SLC26A7: variants seen among roughly 807,000 people sequenced by gnomAD.
SLC26A7 encodes the protein solute carrier family 26 member 7, also known as anion exchange transporter.
SLC26A7 carries 59 observed loss-of-function variants against 82.5 expected under a neutral mutation model. The ratio of observed to expected loss-of-function variants is 0.72; its 90% CI spans 0.58 to 0.89. The LOEUF (loss-of-function observed/expected upper bound fraction) is 0.89, where lower values mean the gene tolerates loss of function less well. Among genes scored for constraint, SLC26A7 ranks in the 40% least tolerant of loss-of-function variants. The probability of loss-of-function intolerance (pLI) is 0.00; values close to 1 mark genes in which losing one functional copy is unlikely to be tolerated. For missense variants in SLC26A7, 820 were observed against 793.0 expected, an observed-to-expected ratio of 1.03 and a Z score of -0.41; for synonymous variants, 271 against 274.3, an observed-to-expected ratio of 0.99 and a Z score of 0.12.
At chr8:91,349,046 G>C (rs966230535) in intron 9 of SLC26A7, among the ~76,000 whole-genome samples, 1 of 152,126 alleles carries the variant, frequency 6.6e-6, no homozygotes, top group Non-Finnish European at 1.5e-5. Context: ...CAGTGTCCTG[G>C]CTTCTTCTTT....
At chr8:91,394,589 G>T in intron 18 of SLC26A7, 1 of 1,187,178 alleles carries the variant, frequency 8.4e-7, no homozygotes, top group Non-Finnish European at 1.0e-6. Flanking sequence ...GTTTTGAATT[G>T]TTTTGCCTTT....
At chr8:91,380,791 A>C (rs1231696024) in intron 15 of SLC26A7, among the ~76,000 whole-genome samples, 1 of 152,176 alleles carries the variant, frequency 6.6e-6, no homozygotes, top group Admixed American at 6.5e-5. Flanking sequence ...TTAGTTGTAC[A>C]TCCTGAAGAA....
At chr8:91,212,320 GT>G (rs147342236) in intron 1 of SLC26A7, among the ~76,000 whole-genome samples, 2,240 of 152,102 alleles carry the variant, frequency 0.015, 62 homozygotes, top group East Asian at 0.098. Context: ...ATTTCTTATA[GT>G]TTCGTTAGTT....
chr8:91,359,504 G>A (rs993288627), intron 11 of SLC26A7, among the ~76,000 whole-genome samples: 13 of 152,256 alleles, frequency 8.5e-5, no homozygotes, highest in African/African-American at 1.9e-4. Context: ...CTACTTAGAC[G>A]TGATAGTTGA....
intron 4 of SLC26A7, among the ~76,000 whole-genome samples, chr8:91,299,157 T>C (rs1812093988): frequency 6.6e-6 from 1 of 152,180 alleles, no homozygotes; most frequent in African/African-American, 2.4e-5. Flanking sequence ...ATCAGAGTTT[T>C]AGATTTTTTT....
intron 13 of SLC26A7, among the ~76,000 whole-genome samples, chr8:91,364,272 T>A (rs1179114092): frequency 1.3e-5 from 2 of 152,202 alleles, no homozygotes; most frequent in Non-Finnish European, 2.9e-5. Context: ...TTCCGTTTAT[T>A]TTTCACATAC....
At chr8:91,293,917 G>A (rs960693441) in intron 3 of SLC26A7, among the ~76,000 whole-genome samples, 7 of 152,068 alleles carry the variant, frequency 4.6e-5, no homozygotes, top group Non-Finnish European at 8.8e-5. Context: ...CAGATTCTAT[G>A]GTGAATATTC....
intron 5 of SLC26A7, among the ~76,000 whole-genome samples, chr8:91,322,218 G>C (rs1261256441): frequency 6.6e-6 from 1 of 151,826 alleles, no homozygotes; most frequent in Non-Finnish European, 1.5e-5. Context: ...CTGTTAATGG[G>C]GGTTGATCAT....
At chr8:91,358,453 C>T (rs1481745496) in intron 11 of SLC26A7, among the ~76,000 whole-genome samples, 2 of 151,746 alleles carry the variant, frequency 1.3e-5, no homozygotes, top group Non-Finnish European at 1.5e-5. Flanking sequence ...CCTCAGGCTC[C>T]CAAGTAGCTG....
chr8:91,218,642 A>G (rs58197746), intron 1 of SLC26A7, among the ~76,000 whole-genome samples: 3,830 of 152,220 alleles, frequency 0.025, 174 homozygotes, highest in African/African-American at 0.086. Context: ...TAGACTACAT[A>G]ATGATATGTT....
At position 91,334,323 on chromosome 8, in the gene SLC26A7, A is replaced by G. The variant is rs1265712348; in HGVS notation, c.671A>G (p.Lys224Arg). ...YIYAYVFENIKSVRLEALLLS... is the reference protein window; with the variant it reads ...YIYAYVFENIRSVRLEALLLS... ...TATGCATATGTTTTTGAAAACATCA[A>G]GTCTGTGCGACTGGAAGCATTGCTT... Residue 224 changes from lysine (K) to arginine (R), a missense_variant, in exon 6 of 19, where the codon AAG (lysine) becomes AGG (arginine). Coordinates refer to ENST00000276609, the MANE Select transcript of SLC26A7 (RefSeq NM_052832.4). 6.2e-7 allele frequency: 1 copy of G among 1,612,620 alleles called. No homozygotes were observed. The highest frequency in any genetic ancestry group is 1.7e-5 in the Admixed American group (1 of 59,846).
At chr8:91,286,097 A>G (rs1355688602) in intron 2 of SLC26A7, among the ~76,000 whole-genome samples, 5 of 152,210 alleles carry the variant, frequency 3.3e-5, no homozygotes, top group African/African-American at 1.2e-4. Context: ...AAAAGATTAT[A>G]GTAGGAGCAG....
intron 2 of SLC26A7, among the ~76,000 whole-genome samples, chr8:91,277,393 C>G (rs950246728): frequency 6.6e-6 from 1 of 152,126 alleles, no homozygotes; most frequent in Admixed American, 6.5e-5. Context: ...ATGCTCCTTT[C>G]AAAGTCAATA....
intron 5 of SLC26A7, among the ~76,000 whole-genome samples, chr8:91,327,254 G>A (rs1342871000): frequency 6.6e-6 from 1 of 152,108 alleles, no homozygotes; most frequent in Non-Finnish European, 1.5e-5. Context: ...AGTTATCCAT[G>A]TGATGCAATC....
intron 1 of SLC26A7, among the ~76,000 whole-genome samples, chr8:91,214,137 G>T (rs1418402261): frequency 6.6e-6 from 1 of 152,108 alleles, no homozygotes; most frequent in African/African-American, 2.4e-5. Flanking sequence ...CCTACTGTGG[G>T]TGTAAGGTGT....
intron 4 of SLC26A7, among the ~76,000 whole-genome samples, chr8:91,306,962 A>G (rs1248568259): frequency 6.7e-6 from 1 of 149,318 alleles, no homozygotes; most frequent in African/African-American, 2.5e-5. Flanking sequence ...GAAAAAAACA[A>G]ACAACCCCAT....
rs550814908 is a variant in SLC26A7 at position 91,292,754 on chromosome 8, T to G, written c.305-2777T>G. ...TAGGTTTTTTTTTTAAAAAAAGGAA[T>G]AAATCAGTTGATTACTTTTTGTGGC... On this transcript the variant is annotated intron_variant, in intron 3 of 18. Coordinates refer to ENST00000276609, the MANE Select transcript of SLC26A7 (RefSeq NM_052832.4). 1.5e-4 allele frequency among the ~76,000 whole-genome samples: 23 copies of G among 152,196 alleles called. No individual in the cohort carries two copies. In the South Asian group the frequency reaches 4.8e-3, roughly 32 times the overall value.
chr8:91,303,017 A>G (rs1812210861), intron 4 of SLC26A7, among the ~76,000 whole-genome samples: 2 of 152,052 alleles, frequency 1.3e-5, no homozygotes, highest in African/African-American at 4.8e-5. Context: ...ATCTATTTCT[A>G]AGGCACGTTG....
intron 2 of SLC26A7, among the ~76,000 whole-genome samples, chr8:91,237,195 G>T (rs1339595256): frequency 6.6e-6 from 1 of 152,144 alleles, no homozygotes; most frequent in African/African-American, 2.4e-5. Flanking sequence ...ATTTAAATTT[G>T]TGTGTCTGAT....
Sources: allele counts gnomAD v4.1 joint callset (sites outside exome capture counted in the v4.1 genomes callset), GRCh38; gene constraint gnomAD v4.1.1; transcripts MANE v1.5; gene names NCBI Gene and HGNC (gene_info 2026-07-23, HGNC 2026-07-21).